The following EEPD1 variants were observed in gnomAD, a reference collection of about 807,000 sequenced individuals.
The protein encoded by EEPD1 is endonuclease/exonuclease/phosphatase family domain containing 1.
In EEPD1, 17 loss-of-function variants were observed where a neutral mutation model predicts 46.3. The observed-to-expected ratio is 0.37, with a 90% CI of 0.25 to 0.55. The LOEUF (loss-of-function observed/expected upper bound fraction) is 0.55, where lower values mean the gene tolerates loss of function less well. Ranked by LOEUF, EEPD1 falls within the 20% of genes least tolerant of loss-of-function variation. The probability of loss-of-function intolerance (pLI) is 0.83; values close to 1 mark genes in which losing one functional copy is unlikely to be tolerated. For missense variants in EEPD1, 673 were observed against 745.6 expected, an observed-to-expected ratio of 0.90 and a Z score of 1.13; for synonymous variants, 313 against 315.6, an observed-to-expected ratio of 0.99 and a Z score of 0.09.
intron 3 of EEPD1, among the ~76,000 whole-genome samples, chr7:36,255,664 C>G (rs1352206496): frequency 3.3e-5 from 5 of 152,180 alleles, no homozygotes; most frequent in Middle Eastern, 3.2e-3. Flanking sequence ...TCTGTGGGAT[C>G]AGTGGTGATA....
intron 5 of EEPD1, among the ~76,000 whole-genome samples, 179 bp downstream of exon 5, chr7:36,284,999 G>A (rs569064089): frequency 5.9e-5 from 9 of 152,282 alleles, no homozygotes; most frequent in African/African-American, 2.2e-4. Context: ...ACTTGTCCAG[G>A]GCAGGAATGA....
intron 3 of EEPD1, among the ~76,000 whole-genome samples, chr7:36,239,712 A>G (rs1420937806): frequency 1.3e-5 from 2 of 152,174 alleles, no homozygotes; most frequent in East Asian, 3.9e-4. Flanking sequence ...TGTGGGTTCA[A>G]GTTCGGCATG....
chr7:36,205,222 C>T lies in EEPD1; in HGVS notation c.879-33763C>T, dbSNP rs555915430. On this transcript the variant is annotated intron_variant, in intron 2 of 7. Transcript: ENST00000242108. ...ATCACATTCCATGAGAAACAAAAGC[C>T]GGAAGGAGGTTCTGGAGGTGGCAGT... Among the ~76,000 whole-genome samples the T allele has an allele frequency of 1.6e-4, 25 of 152,248 alleles. No homozygotes were observed. In the South Asian group the frequency reaches 1.7e-3, roughly 10 times the overall value.
At chr7:36,199,177 C>T (rs999415768) in intron 2 of EEPD1, among the ~76,000 whole-genome samples, 11 of 151,964 alleles carry the variant, frequency 7.2e-5, no homozygotes, top group African/African-American at 1.9e-4. Flanking sequence ...GTCTTGCCAC[C>T]GCAGAATACC....
At position 36,270,413 on chromosome 7, in the gene EEPD1, T is replaced by C. The variant is rs1787084662; in HGVS notation, c.931-10702T>C. On this transcript the variant is annotated intron_variant, in intron 3 of 7. Coordinates refer to ENST00000242108, the MANE Select transcript of EEPD1 (RefSeq NM_030636.3). ...CATGGTGGTTTGCTGAACCCATCAA[T>C]CCATCATCTACATTAGGTATATCTC... Among the ~76,000 whole-genome samples the C allele has an allele frequency of 2.0e-5, 3 of 152,136 alleles. No individual in the cohort carries two copies. The South Asian group carries it at 6.2e-4, about 32-fold the overall frequency.
chr7:36,272,515 T>C (rs1583474161), intron 3 of EEPD1, among the ~76,000 whole-genome samples: 1 of 150,534 alleles, frequency 6.6e-6, no homozygotes, highest in Non-Finnish European at 1.5e-5. Context: ...TGTTTTTTTT[T>C]TTTTTTTGTG....
chr7:36,298,622 T>C (rs1349882230), intron 7 of EEPD1, among the ~76,000 whole-genome samples: 1 of 152,216 alleles, frequency 6.6e-6, no homozygotes, highest in Non-Finnish European at 1.5e-5. Context: ...TTAGTGTCTT[T>C]TGCTTTGCAA....
At chr7:36,256,649 C>CA (rs1554319532) in intron 3 of EEPD1, among the ~76,000 whole-genome samples, 1 of 150,870 alleles carries the variant, frequency 6.6e-6, no homozygotes, top group African/African-American at 2.4e-5. Context: ...TCAACCTCTG[C>CA]TTTTTTTTTG....
chr7:36,255,304 TA>T (rs2115818395), intron 3 of EEPD1, among the ~76,000 whole-genome samples: 1 of 152,322 alleles, frequency 6.6e-6, no homozygotes, highest in East Asian at 1.9e-4. Context: ...CATCTTGAGT[TA>T]ATTTTTGTAT....
intron 2 of EEPD1, among the ~76,000 whole-genome samples, chr7:36,219,293 TA>T (rs1786089934): frequency 6.6e-6 from 1 of 151,298 alleles, no homozygotes; most frequent in Admixed American, 6.6e-5. Flanking sequence ...AAAGAGCAAC[TA>T]GATGGCAAAG....
chr7:36,188,576 C>T (rs1180631670), intron 2 of EEPD1, among the ~76,000 whole-genome samples: 1 of 152,042 alleles, frequency 6.6e-6, no homozygotes, highest in Non-Finnish European at 1.5e-5. Flanking sequence ...GTGTTGGAAG[C>T]GGGCGCAGGG....
At chr7:36,189,215 A>G (rs1044100846) in intron 2 of EEPD1, among the ~76,000 whole-genome samples, 1 of 152,240 alleles carries the variant, frequency 6.6e-6, no homozygotes, top group Non-Finnish European at 1.5e-5. Context: ...AGCGCCTGAC[A>G]CAGGGTGGTC....
chr7:36,233,443 G>A (rs1786373068), intron 2 of EEPD1, among the ~76,000 whole-genome samples: 1 of 152,218 alleles, frequency 6.6e-6, no homozygotes, highest in South Asian at 2.1e-4. Context: ...AGGCCTCCAG[G>A]CCTGGTCAGC....
At chr7:36,234,702 C>T (rs1187408843) in intron 2 of EEPD1, among the ~76,000 whole-genome samples, 3 of 151,850 alleles carry the variant, frequency 2.0e-5, no homozygotes, top group African/African-American at 7.3e-5. Flanking sequence ...ATTGTCTAAT[C>T]CCTTTGGAGG....
At chr7:36,166,057 T>G (rs1182870015) in intron 2 of EEPD1, among the ~76,000 whole-genome samples, 1 of 152,218 alleles carries the variant, frequency 6.6e-6, no homozygotes, top group Admixed American at 6.5e-5. Flanking sequence ...CCTTTCCAAG[T>G]TCATGACTCC....
At chr7:36,252,519 GC>G (rs576940897) in intron 3 of EEPD1, among the ~76,000 whole-genome samples, 11 of 152,290 alleles carry the variant, frequency 7.2e-5, no homozygotes, top group African/African-American at 2.6e-4. Context: ...TCCTTGAGAT[GC>G]CCTCTTTTTT....
At chr7:36,236,133 G>A (rs1296150650) in intron 2 of EEPD1, among the ~76,000 whole-genome samples, 1 of 152,172 alleles carries the variant, frequency 6.6e-6, no homozygotes, top group Non-Finnish European at 1.5e-5. Flanking sequence ...GTTGAGAGGT[G>A]ACAACATGCT....
chr7:36,216,072 A>G (rs1786025341), intron 2 of EEPD1, among the ~76,000 whole-genome samples: 1 of 152,218 alleles, frequency 6.6e-6, no homozygotes, highest in Non-Finnish European at 1.5e-5. Flanking sequence ...GGGCCCCCAT[A>G]TAAAACCTTT....
chr7:36,249,689 C>G (rs1225118178), intron 3 of EEPD1, among the ~76,000 whole-genome samples: 1 of 152,174 alleles, frequency 6.6e-6, no homozygotes, highest in Admixed American at 6.5e-5. Context: ...TGTATTTATT[C>G]TTTGAACCAG....
Sources: gnomAD v4.1 joint callset for allele counts (sites outside exome capture counted in the v4.1 genomes callset) on GRCh38, gnomAD v4.1.1 for gene constraint, MANE v1.5 for transcripts, NCBI Gene and HGNC (gene_info 2026-07-23, HGNC 2026-07-21) for gene names.